PCBD2: variants seen among roughly 807,000 people sequenced by gnomAD.
The protein encoded by PCBD2 is pterin-4-alpha-carbinolamine dehydratase 2.
In PCBD2, 12 loss-of-function variants were observed where a neutral mutation model predicts 16.4. The ratio of observed to expected loss-of-function variants is 0.73; its 90% CI spans 0.47 to 1.19. PCBD2 has a LOEUF of 1.19. Among genes scored for constraint, PCBD2 ranks in the 50% most tolerant of loss-of-function variants. The pLI is 0.00. For missense variants in PCBD2, 138 were observed against 156.8 expected (o/e 0.88, Z 0.64); for synonymous variants, 58 against 61.8 (o/e 0.94, Z 0.29).
At chr5:134,955,291 A>G (rs1751402041) in intron 2 of PCBD2, among the ~76,000 whole-genome samples, 1 of 149,334 alleles carries the variant, frequency 6.7e-6, no homozygotes, top group Non-Finnish European at 1.5e-5. Context: ...ATTTTTGTTC[A>G]GTTAAATAGC....
At chr5:134,910,607 T>G (rs1750756567) in intron 2 of PCBD2, 141 bp downstream of exon 2, 1 of 1,099,368 alleles carries the variant, frequency 9.1e-7, no homozygotes, top group Admixed American at 2.6e-5. Flanking sequence ...AGTGATAGAG[T>G]GACATCCTTG....
At chr5:134,947,001 T>C (rs1751303118) in intron 2 of PCBD2, among the ~76,000 whole-genome samples, 1 of 152,164 alleles carries the variant, frequency 6.6e-6, no homozygotes, top group South Asian at 2.1e-4. Context: ...TATGTAGTGT[T>C]AGTAGTAGTT....
chr5:134,954,271 A>C (rs1268211265), intron 2 of PCBD2, among the ~76,000 whole-genome samples: 1 of 152,126 alleles, frequency 6.6e-6, no homozygotes, highest in Admixed American at 6.5e-5. Flanking sequence ...TTAGTACTTA[A>C]GTTTTACACA....
intron 2 of PCBD2, among the ~76,000 whole-genome samples, chr5:134,943,237 G>A (rs900776258): frequency 6.6e-6 from 1 of 152,156 alleles, no homozygotes; most frequent in Admixed American, 6.5e-5. Flanking sequence ...CATTCATGAG[G>A]CCATAGAAAT....
chr5:134,923,926 T>C, intron 2 of PCBD2: 1 of 394,356 alleles, frequency 2.5e-6, no homozygotes, highest in East Asian at 3.6e-5. Context: ...ATTTGGAGGA[T>C]TAGGCAGGCA....
intron 1 of PCBD2, chr5:134,905,763 T>C (rs1026240115): frequency 1.3e-5 from 2 of 152,418 alleles, no homozygotes; most frequent in Admixed American, 6.5e-5. Flanking sequence ...TTGGAGTAAA[T>C]GGAGGGAAAG....
rs1750666350 is a variant in PCBD2 at position 134,905,201 on chromosome 5, A to G, written c.62A>G (p.Gln21Arg). ...TRRLLAALRGQSLGLAAMSSG... is the reference protein window; with the variant it reads ...TRRLLAALRGRSLGLAAMSSG... ...CGCTTGTTGGCGGCGCTGCGAGGCC[A>G]GAGCCTAGGGCTAGCGGCCATGGTG... Residue 21 changes from glutamine to arginine, a missense_variant, in exon 1 of 4, where the codon CAG (glutamine) becomes CGG (arginine). Transcript: ENST00000254908. 3.3e-6 allele frequency: 4 copies of G among 1,223,782 alleles called. No homozygotes were observed. Among genetic ancestry groups the G allele is most frequent in the Non-Finnish European group, 4.1e-6 (4 of 983,138 alleles). 75.8% of individuals were successfully genotyped at this position (1,223,782 alleles called of 1,614,324 possible).
At chr5:134,936,578 A>G (rs1338892238) in intron 2 of PCBD2, among the ~76,000 whole-genome samples, 1 of 152,252 alleles carries the variant, frequency 6.6e-6, no homozygotes, top group Non-Finnish European at 1.5e-5. Context: ...CAGAAACGTA[A>G]GAAACTGATA....
chr5:134,938,473 C>T (rs564815263), intron 2 of PCBD2, among the ~76,000 whole-genome samples: 11 of 152,278 alleles, frequency 7.2e-5, no homozygotes, highest in African/African-American at 9.6e-5. Context: ...CACCATATGA[C>T]GAGGGTGTCC....
At chr5:134,950,879 A>G (rs368486323) in intron 2 of PCBD2, among the ~76,000 whole-genome samples, 9 of 152,342 alleles carry the variant, frequency 5.9e-5, no homozygotes, top group African/African-American at 1.9e-4. Flanking sequence ...AACATGGCTC[A>G]TAGACAAACT....
chr5:134,905,150 TGCTCGGGGC>T lies in PCBD2; in HGVS notation c.22_30del (p.Leu8_Ala10del), dbSNP rs977716440. The T allele has an allele frequency of 1.6e-5, 20 of 1,220,416 alleles. No homozygotes were observed. In the Admixed American group the frequency reaches 1.7e-4, roughly 11 times the overall value. 75.6% of individuals were successfully genotyped at this position (1,220,416 alleles called of 1,614,324 possible). On this transcript the variant is annotated inframe_deletion, in exon 1 of 4. Transcript: ENST00000254908. ...CTCGGCAGACGGCCAATGGCGGCGG[TGCTCGGGGC>T]GCTCGGGGCGACGCGGCGCTTGTTG...
Position 134,911,063 on chromosome 5 carries a change from G to A in PCBD2, c.216+597G>A, listed in dbSNP as rs79101568. Among the ~76,000 whole-genome samples, 1,026 of 152,304 alleles carry A rather than the reference G, an allele frequency of 6.7e-3. 9 individuals carry two copies. The highest frequency in any genetic ancestry group is 0.024 in the African/African-American group (983 of 41,558). On this transcript the variant is annotated intron_variant, in intron 2 of 3. Coordinates refer to ENST00000254908, the MANE Select transcript of PCBD2 (RefSeq NM_032151.5). ...TTGGCCTCCCAATGTGCTGGGAATAGAGATATGAGCCACTGTGCCCAGCCT... is the reference window on the plus strand; with the variant it reads ...TTGGCCTCCCAATGTGCTGGGAATAAAGATATGAGCCACTGTGCCCAGCCT...
intron 2 of PCBD2, among the ~76,000 whole-genome samples, chr5:134,933,431 T>A (rs1751121590): frequency 6.6e-6 from 1 of 152,134 alleles, no homozygotes; most frequent in African/African-American, 2.4e-5. Flanking sequence ...AGACTGGGTT[T>A]TGCCATATTG....
At position 134,931,334 on chromosome 5, in the gene PCBD2, C is replaced by G. The variant is rs892464100; in HGVS notation, c.216+20868C>G. Reference sequence around the variant, plus strand: ...TGTTGCTTTAAGGTCATTCTGTACACAGGTAACTCTTAATATTGCATCATT... The same window carrying G: ...TGTTGCTTTAAGGTCATTCTGTACAGAGGTAACTCTTAATATTGCATCATT... On this transcript the variant is annotated intron_variant, in intron 2 of 3. Coordinates refer to ENST00000254908, the MANE Select transcript of PCBD2 (RefSeq NM_032151.5). Among the ~76,000 whole-genome samples, 17 of 152,282 alleles carry G rather than the reference C, an allele frequency of 1.1e-4. No homozygotes were observed. The East Asian group carries it at 3.3e-3, about 29-fold the overall frequency.
intron 1 of PCBD2, among the ~76,000 whole-genome samples, chr5:134,906,913 C>T (rs952614333): frequency 1.3e-5 from 2 of 152,230 alleles, no homozygotes; most frequent in Non-Finnish European, 2.9e-5. Context: ...AAGCCCACCA[C>T]CAAGGGTTCT....
intron 2 of PCBD2, among the ~76,000 whole-genome samples, chr5:134,935,523 T>G (rs1751149774): frequency 6.6e-6 from 1 of 152,234 alleles, no homozygotes; most frequent in African/African-American, 2.4e-5. Flanking sequence ...CAATAATGAT[T>G]CACTGTAAAT....
chr5:134,935,680 A>G (rs1462243410), intron 2 of PCBD2, among the ~76,000 whole-genome samples: 2 of 152,258 alleles, frequency 1.3e-5, no homozygotes, highest in Non-Finnish European at 2.9e-5. Context: ...GAATGGAATT[A>G]AAAGTATAAG....
At chr5:134,916,663 T>A (rs1442700330) in intron 2 of PCBD2, among the ~76,000 whole-genome samples, 2 of 152,260 alleles carry the variant, frequency 1.3e-5, no homozygotes, top group Non-Finnish European at 2.9e-5. Flanking sequence ...AAGGTATGGT[T>A]AGTTCCAAAT....
At chr5:134,928,153 A>G (rs1751042747) in intron 2 of PCBD2, 1 of 390,858 alleles carries the variant, frequency 2.6e-6, no homozygotes, top group South Asian at 1.3e-4. Flanking sequence ...CGATAGGTAC[A>G]ATATTGGCTA....
Sources: gnomAD v4.1 joint callset for allele counts (sites outside exome capture counted in the v4.1 genomes callset) on GRCh38, gnomAD v4.1.1 for gene constraint, MANE v1.5 for transcripts, NCBI Gene and HGNC (gene_info 2026-07-23, HGNC 2026-07-21) for gene names.